Variants in MGAT4C observed in about 807,000 individuals in gnomAD.
The protein encoded by MGAT4C is alpha-1,3-mannosyl-glycoprotein 4-beta-N-acetylglucosaminyltransferase C.
A neutral mutation model predicts 40.1 loss-of-function variants in MGAT4C; 19 were observed. That is an observed-to-expected ratio of 0.47 (90% CI 0.33 to 0.70). MGAT4C has a LOEUF of 0.70. Ranked by LOEUF, MGAT4C falls within the 30% of genes least tolerant of loss-of-function variation. The pLI is 0.02. For missense variants in MGAT4C, 491 were observed against 563.2 expected (o/e 0.87, Z 1.30); for synonymous variants, 181 against 187.1 (o/e 0.97, Z 0.27).
At chr12:86,417,161 A>AT (rs955350058) in intron 3 of MGAT4C, among the ~76,000 whole-genome samples, 7 of 151,342 alleles carry the variant, frequency 4.6e-5, no homozygotes, top group African/African-American at 9.7e-5. Context: ...ATAGTTGAAT[A>AT]TTTTTTTTTC....
chr12:86,039,716 A>C (rs1891615735), intron 2 of MGAT4C, among the ~76,000 whole-genome samples: 1 of 152,022 alleles, frequency 6.6e-6, no homozygotes, highest in South Asian at 2.1e-4. Flanking sequence ...TCTGAAGCCT[A>C]CTTCTGTTAA....
intron 4 of MGAT4C, among the ~76,000 whole-genome samples, chr12:86,281,447 T>C (rs1232390995): frequency 6.6e-6 from 1 of 152,078 alleles, no homozygotes. Flanking sequence ...GATATATCTG[T>C]ATCTCTGTAT....
intron 2 of MGAT4C, among the ~76,000 whole-genome samples, chr12:86,470,117 C>A (rs1224854348): frequency 3.3e-5 from 5 of 151,926 alleles, no homozygotes; most frequent in Non-Finnish European, 7.4e-5. Flanking sequence ...TGCAAAATAT[C>A]TAAATTATCT....
At chr12:86,498,567 C>T (rs1248406621) in intron 2 of MGAT4C, among the ~76,000 whole-genome samples, 4 of 151,882 alleles carry the variant, frequency 2.6e-5, no homozygotes. Context: ...CCATACCTGG[C>T]TGCCATTTGC....
At chr12:86,815,325 T>C (rs936562724) in intron 1 of MGAT4C, among the ~76,000 whole-genome samples, 23 of 151,924 alleles carry the variant, frequency 1.5e-4, no homozygotes, top group Admixed American at 5.3e-4. Context: ...AGAATGACCA[T>C]AATCAAAAAA....
chr12:86,551,570 A>G (rs1959363639), intron 2 of MGAT4C, among the ~76,000 whole-genome samples: 1 of 152,160 alleles, frequency 6.6e-6, no homozygotes, highest in Non-Finnish European at 1.5e-5. Flanking sequence ...AAAGCCTGAT[A>G]AACAGCCCTG....
At chr12:86,071,958 C>T (rs1029722033) in intron 1 of MGAT4C, among the ~76,000 whole-genome samples, 5 of 152,028 alleles carry the variant, frequency 3.3e-5, no homozygotes, top group African/African-American at 1.2e-4. Flanking sequence ...AAGCCAATCT[C>T]TTGCTCTCAT....
chr12:86,238,597 G>A (rs1335135650), intron 1 of MGAT4C, among the ~76,000 whole-genome samples: 1 of 151,932 alleles, frequency 6.6e-6, no homozygotes, highest in Non-Finnish European at 1.5e-5. Flanking sequence ...TGTATTGTAT[G>A]CCATCTTCAA....
rs867118622 is a variant in MGAT4C at position 86,745,794 on chromosome 12, A to G, written c.-261-18553T>C. On this transcript the variant is annotated intron_variant, in intron 1 of 7. Coordinates refer to the MGAT4C transcript ENST00000548651. The stretch of plus-strand genomic sequence containing the variant: ...CTGTCTCTGGTAATGAATTTGTGTC[A>G]GAATCAAGATATGGAATGACTGAAT... Among the ~76,000 whole-genome samples, 15 of 151,794 alleles carry G rather than the reference A, an allele frequency of 9.9e-5. No individual in the cohort carries two copies. The South Asian group carries it at 3.1e-3, about 31-fold the overall frequency.
At chr12:86,211,261 C>T (rs1950448416) in intron 1 of MGAT4C, among the ~76,000 whole-genome samples, 1 of 149,000 alleles carries the variant, frequency 6.7e-6, no homozygotes, top group Admixed American at 6.7e-5. Flanking sequence ...GGGCTTTTGC[C>T]TGTTAAAACC....
intron 3 of MGAT4C, among the ~76,000 whole-genome samples, chr12:86,401,996 T>C (rs1956372681): frequency 1.3e-5 from 2 of 152,066 alleles, no homozygotes; most frequent in Admixed American, 1.3e-4. Flanking sequence ...TTTGTAAAAC[T>C]GCATGTCCTG....
At chr12:86,716,591 G>C (rs1481885001) in intron 2 of MGAT4C, among the ~76,000 whole-genome samples, 1 of 152,078 alleles carries the variant, frequency 6.6e-6, no homozygotes, top group Non-Finnish European at 1.5e-5. Flanking sequence ...TCATTGAGAA[G>C]TTATTAATAG....
At chr12:86,459,876 T>G (rs749769971) in intron 2 of MGAT4C, among the ~76,000 whole-genome samples, 1 of 151,946 alleles carries the variant, frequency 6.6e-6, no homozygotes, top group Non-Finnish European at 1.5e-5. Flanking sequence ...AAGGGATTAA[T>G]AATTTCATCT....
At chr12:86,370,496 C>T (rs1410707084) in intron 3 of MGAT4C, among the ~76,000 whole-genome samples, 1 of 151,910 alleles carries the variant, frequency 6.6e-6, no homozygotes, top group African/African-American at 2.4e-5. Flanking sequence ...TAAGAAGTTA[C>T]CAGAGCTTAA....
chr12:86,726,957 T>A (rs1249682090), intron 2 of MGAT4C, among the ~76,000 whole-genome samples: 1 of 152,146 alleles, frequency 6.6e-6, no homozygotes, highest in Non-Finnish European at 1.5e-5. Context: ...TCCTATGGCC[T>A]TTAAAAACTA....
In MGAT4C at chr12:86,235,022, C is replaced by A. The variant is rs573926632; in HGVS notation, c.-57+21217G>T. 3.0e-3 allele frequency among the ~76,000 whole-genome samples: 453 copies of A among 152,076 alleles called. 2 individuals are homozygous for A. The highest frequency in any genetic ancestry group is 0.01 in the African/African-American group (432 of 41,516). On this transcript the variant is annotated intron_variant, in intron 1 of 4. Coordinates refer to ENST00000611864, the MANE Select transcript of MGAT4C (RefSeq NM_001351288.2). ...CTTAAATGTTGATATTTTTAAAAGA[C>A]CTGTGCTTAGCCTTTTATTTTTTTC...
At chr12:86,358,860 T>G (rs1293627489) in intron 3 of MGAT4C, among the ~76,000 whole-genome samples, 1 of 152,126 alleles carries the variant, frequency 6.6e-6, no homozygotes, top group Non-Finnish European at 1.5e-5. Context: ...AGACTTGGAC[T>G]CCCACACAAT....
intron 1 of MGAT4C, among the ~76,000 whole-genome samples, chr12:86,738,300 C>G (rs761800134): frequency 9.9e-5 from 15 of 151,308 alleles, no homozygotes; most frequent in Admixed American, 3.3e-4. Context: ...GTGAGGTATT[C>G]CAGCCAAACT....
chr12:86,355,482 T>G (rs972803687), intron 3 of MGAT4C, among the ~76,000 whole-genome samples: 2 of 151,944 alleles, frequency 1.3e-5, no homozygotes, highest in Non-Finnish European at 2.9e-5. Context: ...TAGGATAAAC[T>G]CAAATAAAAC....
Sources: gnomAD v4.1 joint callset for allele counts (sites outside exome capture counted in the v4.1 genomes callset) on GRCh38, gnomAD v4.1.1 for gene constraint, MANE v1.5 for transcripts, NCBI Gene and HGNC (gene_info 2026-07-23, HGNC 2026-07-21) for gene names.